The following XAGE2 variants were observed in gnomAD, a reference collection of about 807,000 sequenced individuals.
The protein encoded by XAGE2 is G antigen family D member 3.
In XAGE2, 7 loss-of-function variants were observed where a neutral mutation model predicts 9.9. That is an observed-to-expected ratio of 0.71 (90% CI 0.40 to 1.32). XAGE2 has a LOEUF of 1.32. Among genes scored for constraint, XAGE2 ranks in the 40% most tolerant of loss-of-function variants. The probability of loss-of-function intolerance (pLI) is 0.01; values close to 1 mark genes in which losing one functional copy is unlikely to be tolerated. For missense variants in XAGE2, 85 were observed against 81.0 expected (o/e 1.05, Z -0.19); for synonymous variants, 31 against 26.8 (o/e 1.16, Z -0.48).
chrX:52,370,992 G>A (rs1345332825), intron 3 of XAGE2, among the ~76,000 whole-genome samples: 1 of 111,853 alleles, frequency 8.9e-6, no homozygotes, highest in Admixed American at 9.4e-5. Flanking sequence ...TTAGAATGTT[G>A]CTGTATGATT....
chrX:52,369,886 C>T lies in XAGE2; in HGVS notation c.-8-121C>T, dbSNP rs1270625005. The stretch of plus-strand genomic sequence containing the variant: ...GTACACACTTCTAGTTGCCCTGGGA[C>T]TTACTTTCAAATTATTTCCAAACTT... On this transcript the variant is annotated intron_variant, in intron 1 of 4. Coordinates refer to ENST00000286049, the MANE Select transcript of XAGE2 (RefSeq NM_130777.3). 1.3e-5 allele frequency: 10 copies of T among 765,476 alleles called. No individual in the cohort carries two copies. The Admixed American group carries it at 1.6e-4, about 12-fold the overall frequency. The allele number at this position is 765,476 out of a possible 1,213,427, so 63.1% of individuals were successfully genotyped here.
intron 3 of XAGE2, among the ~76,000 whole-genome samples, chrX:52,370,916 T>C (rs2146414052): frequency 8.9e-6 from 1 of 112,260 alleles, no homozygotes; most frequent in South Asian, 3.8e-4. Context: ...CCTTGCTAAA[T>C]CAGATGAAAC....
intron 2 of XAGE2, 110 bp downstream of exon 2, chrX:52,370,205 G>A: frequency 1.2e-6 from 1 of 820,088 alleles, no homozygotes; most frequent in Middle Eastern, 2.9e-4. Flanking sequence ...TGATAAAAAT[G>A]ATCATGCATC....
At chrX:52,374,097 T>C (rs1438838521) in intron 4 of XAGE2, among the ~76,000 whole-genome samples, 1 of 112,181 alleles carries the variant, frequency 8.9e-6, no homozygotes, top group East Asian at 2.8e-4. Flanking sequence ...AACACATTGT[T>C]TATTTTAAAA....
chrX:52,370,671 A>G lies in XAGE2; in HGVS notation c.186A>G (p.Gln62=). ...REDDQGAAEI[Q]VPDLEADLQE... ...ATGATCAGGGTGCAGCTGAGATTCA[A>G]GGTGCTGGGAAAGGAAAGAAATAAT... is the stretch of plus-strand genomic sequence containing the variant. The change falls in exon 3 of 5, where the codon CAA becomes CAG. Residue 62 remains glutamine (Q), a splice_region_variant and synonymous_variant. Transcript: ENST00000286049. The G allele has an allele frequency of 8.3e-7, 1 of 1,209,083 alleles. No homozygotes were observed. The highest frequency in any genetic ancestry group is 1.7e-5 in the African/African-American group (1 of 57,564).
At chrX:52,374,590 A>G (rs1471420770) in intron 4 of XAGE2, among the ~76,000 whole-genome samples, 1 of 112,015 alleles carries the variant, frequency 8.9e-6, no homozygotes, top group African/African-American at 3.2e-5. Flanking sequence ...AATGGTTGAT[A>G]AGCTAGGAAT....
At chrX:52,375,231 AT>A (rs1921286928) in intron 4 of XAGE2, among the ~76,000 whole-genome samples, 3 of 111,901 alleles carry the variant, frequency 2.7e-5, no homozygotes, top group Non-Finnish European at 1.9e-5. Flanking sequence ...TATTTGTTAT[AT>A]TTTTAGTAAA....
chrX:52,373,610 G>A lies in XAGE2; in HGVS notation c.313+941G>A, dbSNP rs941678762. Among the ~76,000 whole-genome samples the A allele has an allele frequency of 3.4e-3, 376 of 111,855 alleles. 1 individual carries two copies. The highest frequency in any genetic ancestry group is 0.013 in the South Asian group (34 of 2,657). ...TATAATCACCTCTAACCATATCATAGGTTACATATTACAGGTTTCTGCCTT... is the reference window on the plus strand; with the variant it reads ...TATAATCACCTCTAACCATATCATAAGTTACATATTACAGGTTTCTGCCTT... On this transcript the variant is annotated intron_variant, in intron 4 of 4. Transcript: ENST00000286049.
intron 3 of XAGE2, 47 bp downstream of exon 3, chrX:52,370,719 A>C: frequency 9.0e-7 from 1 of 1,109,659 alleles, no homozygotes; most frequent in Non-Finnish European, 1.2e-6. Context: ...AAGGAGGCCT[A>C]TGTGTCCATC....
chrX:52,369,693 A>G (rs1307663952), intron 1 of XAGE2, among the ~76,000 whole-genome samples: 1 of 112,300 alleles, frequency 8.9e-6, no homozygotes, highest in Non-Finnish European at 1.9e-5. Flanking sequence ...TGGTCACTGC[A>G]GTTTTAATTC....
At chrX:52,369,946 A>G (rs1819985828) in intron 1 of XAGE2, 61 bp from the exon 2 acceptor site, 1 of 1,094,184 alleles carries the variant, frequency 9.1e-7, no homozygotes, top group Non-Finnish European at 1.3e-6. Flanking sequence ...TGGCCATGAA[A>G]GTGGTCAAAT....
At chrX:52,372,067 C>A (rs1310194764) in intron 3 of XAGE2, among the ~76,000 whole-genome samples, 1 of 111,709 alleles carries the variant, frequency 9.0e-6, no homozygotes, top group African/African-American at 3.3e-5. Context: ...TATTAGATTT[C>A]AGGCCAGGTA....
At position 52,373,144 on chromosome X, in the gene XAGE2, C is replaced by T. The variant is rs1041611345; in HGVS notation, c.313+475C>T. 2.7e-5 allele frequency among the ~76,000 whole-genome samples: 3 copies of T among 112,082 alleles called. No homozygotes were observed. In the Admixed American group the frequency reaches 2.8e-4, roughly 11 times the overall value. ...AAATGTATTAAAATCCGTTTCAATG[C>T]TGATTTCTGCATGCTCTGGTTCTGT... On this transcript the variant is annotated intron_variant, in intron 4 of 4. Transcript: ENST00000286049.
chrX:52,369,950 G>T, intron 1 of XAGE2, 57 bp from the exon 2 acceptor site: 1 of 1,136,259 alleles, frequency 8.8e-7, no homozygotes, highest in Non-Finnish European at 1.2e-6. Context: ...CATGAAAGTG[G>T]TCAAATACAG....
chrX:52,371,764 G>T (rs1432978566), intron 3 of XAGE2, among the ~76,000 whole-genome samples: 8 of 111,179 alleles, frequency 7.2e-5, no homozygotes, highest in Non-Finnish European at 1.3e-4. Context: ...ATTTATTTAT[G>T]AAAAGTTACA....
At position 52,372,690 on chromosome X, in the gene XAGE2, C is replaced by A. The variant is rs1921222362; in HGVS notation, c.313+21C>A. 29 of 1,205,908 alleles carry A rather than the reference C, an allele frequency of 2.4e-5. No individual in the cohort carries two copies. The South Asian group carries it at 5.0e-4, about 21-fold the overall frequency. The stretch of plus-strand genomic sequence containing the variant: ...AGCAGGTGTGTTATTCATTAAGACA[C>A]AAAGTTATGTGATTTCTATTTTTTA... On this transcript the variant is annotated intron_variant, in intron 4 of 4. Transcript: ENST00000286049.
chrX:52,372,224 G>T (rs903947326), intron 3 of XAGE2, among the ~76,000 whole-genome samples: 3 of 110,430 alleles, frequency 2.7e-5, no homozygotes, highest in Non-Finnish European at 5.7e-5. Flanking sequence ...AGCCTTGGTG[G>T]TGGCATGTGC....
Position 52,370,090 on chromosome X carries a change from A to G in XAGE2, c.76A>G (p.Met26Val), listed in dbSNP as rs1176352235. 5 of 1,210,062 alleles carry G rather than the reference A, an allele frequency of 4.1e-6. No individual in the cohort carries two copies. The highest frequency in any genetic ancestry group is 1.8e-5 in the South Asian group (1 of 56,744). The change falls in exon 2 of 5, where the codon ATG (methionine) becomes GTG (valine). Residue 26 changes from methionine (M) to valine (V), a missense_variant. Physicochemically the swap from Met to Val is conservative, Grantham distance 21. Transcript: ENST00000286049. ...ACAGCCTCCTGAGCTGATTGGGGCT[A>G]TGCTTGTGAGTGCTTTAATATTTTG... ...SLQPPELIGA[M>V]LEPTDEEPKE...
chrX:52,371,653 G>A (rs1921196431), intron 3 of XAGE2, among the ~76,000 whole-genome samples: 1 of 111,550 alleles, frequency 9.0e-6, no homozygotes, highest in Non-Finnish European at 1.9e-5. Context: ...GAATATGACT[G>A]TCAACAACAC....
Sources: allele counts gnomAD v4.1 joint callset (sites outside exome capture counted in the v4.1 genomes callset), GRCh38; gene constraint gnomAD v4.1.1; transcripts MANE v1.5; gene names NCBI Gene and HGNC (gene_info 2026-07-23, HGNC 2026-07-21).